SDC2: variants seen among roughly 807,000 people sequenced by gnomAD.
SDC2 encodes syndecan 2.
Under a neutral mutation model 22.2 loss-of-function variants are expected in SDC2, and 13 were observed. The ratio of observed to expected loss-of-function variants is 0.59; its 90% confidence interval spans 0.38 to 0.93. The LOEUF (loss-of-function observed/expected upper bound fraction) is 0.93, where lower values mean the gene tolerates loss of function less well. Among genes scored for constraint, SDC2 ranks in the 40% least tolerant of loss-of-function variants. The pLI is 0.00. For missense variants in SDC2, 235 were observed against 246.8 expected (o/e 0.95, Z 0.32); for synonymous variants, 94 against 92.8 (o/e 1.01, Z -0.07).
intron 1 of SDC2, among the ~76,000 whole-genome samples, chr8:96,588,878 A>G (rs1814730055): frequency 6.6e-6 from 1 of 152,224 alleles, no homozygotes; most frequent in Non-Finnish European, 1.5e-5. Flanking sequence ...TTGAATTTCT[A>G]AATAACAGAT....
In SDC2 at chr8:96,508,844, A is replaced by G. The variant is rs910590504; in HGVS notation, c.60+14513A>G. 4.2e-5 allele frequency among the ~76,000 whole-genome samples: 6 copies of G among 141,940 alleles called. 1 individual carries two copies. Among genetic ancestry groups the G allele is most frequent in the Admixed American group, 4.2e-4 (6 of 14,296 alleles). The allele number at this position is 141,940 out of a possible 152,430, so 93.1% of individuals were successfully genotyped here. On this transcript the variant is annotated intron_variant, in intron 1 of 4. Transcript: ENST00000302190. ...GTGAAAGTGTCTAACTGTATCACCAACTGTTTAATGTAGTCCAATGGGTAC... is the reference window on the plus strand; with the variant it reads ...GTGAAAGTGTCTAACTGTATCACCAGCTGTTTAATGTAGTCCAATGGGTAC...
At chr8:96,547,667 A>G (rs1813956398) in intron 1 of SDC2, among the ~76,000 whole-genome samples, 1 of 152,066 alleles carries the variant, frequency 6.6e-6, no homozygotes, top group Non-Finnish European at 1.5e-5. Context: ...ATGCAAAAGC[A>G]TGAGCGTCTA....
At chr8:96,499,965 G>A (rs981647678) in intron 1 of SDC2, among the ~76,000 whole-genome samples, 5 of 152,110 alleles carry the variant, frequency 3.3e-5, no homozygotes, top group Non-Finnish European at 7.3e-5. Flanking sequence ...GCAGATACCC[G>A]TGGGCCTGGA....
intron 1 of SDC2, among the ~76,000 whole-genome samples, chr8:96,538,002 C>T (rs1393893660): frequency 2.6e-5 from 4 of 152,114 alleles, no homozygotes; most frequent in African/African-American, 4.8e-5. Flanking sequence ...CTCGCTCTGT[C>T]GCCAGGCTGG....
chr8:96,542,724 A>C (rs187031720), intron 1 of SDC2, among the ~76,000 whole-genome samples: 77 of 152,064 alleles, frequency 5.1e-4, no homozygotes, highest in African/African-American at 1.8e-3. Flanking sequence ...GGGGTAAGTC[A>C]GAATATTTAT....
intron 1 of SDC2, among the ~76,000 whole-genome samples, chr8:96,524,267 G>A (rs1292180987): frequency 6.6e-6 from 1 of 152,150 alleles, no homozygotes; most frequent in African/African-American, 2.4e-5. Flanking sequence ...TTCTTTTCAT[G>A]AGATTTAACT....
intron 1 of SDC2, among the ~76,000 whole-genome samples, chr8:96,535,632 G>A (rs924943685): frequency 1.3e-5 from 2 of 152,184 alleles, no homozygotes; most frequent in African/African-American, 4.8e-5. Flanking sequence ...GATATATATC[G>A]ACTTCGATTT....
At chr8:96,516,132 A>G (rs1386579879) in intron 1 of SDC2, among the ~76,000 whole-genome samples, 1 of 152,180 alleles carries the variant, frequency 6.6e-6, no homozygotes, top group Non-Finnish European at 1.5e-5. Context: ...GCTGAAACAT[A>G]CTGAAGTTAC....
At chr8:96,522,017 G>A (rs769613464) in intron 1 of SDC2, among the ~76,000 whole-genome samples, 13 of 152,214 alleles carry the variant, frequency 8.5e-5, no homozygotes, top group Admixed American at 3.3e-4. Context: ...AAGGTTGAGT[G>A]TGAGCTGAGT....
chr8:96,508,296 AAATAATAATAATAAT>A (rs35792253), intron 1 of SDC2, among the ~76,000 whole-genome samples: 2,615 of 130,892 alleles, frequency 0.02, 73 homozygotes, highest in East Asian at 0.068. Context: ...ACTCCGTCTC[AAATAATAATAATAAT>A]AATAATAATA....
chr8:96,588,238 G>T (rs370467720), intron 1 of SDC2, among the ~76,000 whole-genome samples: 27 of 152,140 alleles, frequency 1.8e-4, no homozygotes, highest in African/African-American at 6.3e-4. Context: ...TTCTTCATTT[G>T]TGAAATAAAT....
intron 3 of SDC2, among the ~76,000 whole-genome samples, chr8:96,607,974 A>G (rs984770266): frequency 1.3e-5 from 2 of 152,154 alleles, no homozygotes; most frequent in Non-Finnish European, 2.9e-5. Context: ...GAATTGGGGC[A>G]GTGCTGTTGG....
chr8:96,590,142 T>C (rs1307511930), intron 1 of SDC2, among the ~76,000 whole-genome samples: 5 of 152,158 alleles, frequency 3.3e-5, no homozygotes. Flanking sequence ...CTTCCTTTGC[T>C]CTCCTGTATT....
chr8:96,517,779 G>GCA (rs1256589647), intron 1 of SDC2, among the ~76,000 whole-genome samples: 24 of 41,850 alleles, frequency 5.7e-4, no homozygotes, highest in African/African-American at 2.8e-3. Flanking sequence ...GCATGTGTGT[G>GCA]TGTGTGTGTG....
chr8:96,573,580 C>T (rs1472856740), intron 1 of SDC2, among the ~76,000 whole-genome samples: 1 of 151,994 alleles, frequency 6.6e-6, no homozygotes, highest in Non-Finnish European at 1.5e-5. Context: ...TCATCATATC[C>T]TCTCACTTAC....
At chr8:96,557,698 C>T (rs532397858) in intron 1 of SDC2, among the ~76,000 whole-genome samples, 156 of 152,062 alleles carry the variant, frequency 1.0e-3, no homozygotes, top group African/African-American at 3.5e-3. Context: ...GTGGGTGCAG[C>T]GCACCAGCAT....
At chr8:96,557,443 C>G (rs537035277) in intron 1 of SDC2, among the ~76,000 whole-genome samples, 11,746 of 147,532 alleles carry the variant, frequency 0.08, 1,460 homozygotes, top group African/African-American at 0.26. Flanking sequence ...TACTATGCAG[C>G]CTTAAAAAAT....
intron 1 of SDC2, among the ~76,000 whole-genome samples, chr8:96,558,243 G>T (rs1814152247): frequency 6.6e-6 from 1 of 152,136 alleles, no homozygotes. Flanking sequence ...TCTTGGGAAA[G>T]GAGAGGGGGT....
intron 1 of SDC2, among the ~76,000 whole-genome samples, chr8:96,508,432 G>T (rs979370786): frequency 7.3e-5 from 11 of 151,706 alleles, no homozygotes; most frequent in South Asian, 6.2e-4. Flanking sequence ...GGCGGAGGTC[G>T]CAGTGAGCAG....
Sources: gnomAD v4.1 joint callset for allele counts (sites outside exome capture counted in the v4.1 genomes callset) on GRCh38, gnomAD v4.1.1 for gene constraint, MANE v1.5 for transcripts, NCBI Gene and HGNC (gene_info 2026-07-23, HGNC 2026-07-21) for gene names.